The following DHX34 variants were observed in gnomAD, a reference collection of about 807,000 sequenced individuals.
The protein encoded by DHX34 is DExH-box helicase 34.
In DHX34, 96 loss-of-function variants were observed where a neutral mutation model predicts 111.1. The observed-to-expected ratio is 0.86, with a 90% confidence interval of 0.73 to 1.02. The LOEUF is 1.02. DHX34 is among the 50% of genes least tolerant of loss of function. The pLI is 0.00. For synonymous variants in DHX34, 688 were observed against 670.4 expected (o/e 1.03, Z -0.41); for missense variants, 1,560 against 1,579.9 (o/e 0.99, Z 0.21).
At chr19:47,354,151 C>G (rs568905069) in intron 2 of DHX34, among the ~76,000 whole-genome samples, 9 of 152,110 alleles carry the variant, frequency 5.9e-5, no homozygotes, top group Admixed American at 5.9e-4. Context: ...TTAGTAGAGA[C>G]GGGGTTTCAC....
intron 4 of DHX34, among the ~76,000 whole-genome samples, chr19:47,359,288 C>G (rs1164768113): frequency 6.6e-6 from 1 of 152,086 alleles, no homozygotes; most frequent in Non-Finnish European, 1.5e-5. Context: ...ACAGTGAGAC[C>G]TTGTCTCTAC....
At position 47,380,003 on chromosome 19, in the gene DHX34, G is replaced by A. The variant is rs779993924; in HGVS notation, c.2982+18G>A. ...CATCCAAGGTACCCTCCACCAGGGT[G>A]CCCGTGCCTCCCTATGGCCAGAAGG... is the stretch of plus-strand genomic sequence containing the variant. On this transcript the variant is annotated intron_variant, in intron 14 of 16. Coordinates refer to ENST00000328771, the MANE Select transcript of DHX34 (RefSeq NM_014681.6). 7.7e-6 allele frequency: 12 copies of A among 1,561,592 alleles called. No individual in the cohort carries two copies. Among genetic ancestry groups the A allele is most frequent in the Admixed American group, 1.8e-5 (1 of 57,108 alleles).
At position 47,377,152 on chromosome 19, in the gene DHX34, G is replaced by GCTGGAGACCAACA; in HGVS notation, c.2653_2665dup (p.Lys889ThrfsTer24). 5 of 1,613,954 alleles carry GCTGGAGACCAACA rather than the reference G, an allele frequency of 3.1e-6. No individual in the cohort carries two copies. The highest frequency in any genetic ancestry group is 4.2e-6 in the Non-Finnish European group (5 of 1,179,986). ...ACCAGCTCCTCAGCTTCGTGTCCCT[G>GCTGGAGACCAACA]CTGGAGACCAACAAGCCGTACCTGG... On this transcript the variant is annotated frameshift_variant, in exon 13 of 17. Transcript: ENST00000328771. LOFTEE classifies it high-confidence loss of function.
intron 6 of DHX34, among the ~76,000 whole-genome samples, chr19:47,364,607 T>C (rs1969734872): frequency 6.6e-6 from 1 of 151,948 alleles, no homozygotes; most frequent in South Asian, 2.1e-4. Context: ...CCCAGTGTGA[T>C]GGCACACACC....
intron 1 of DHX34, among the ~76,000 whole-genome samples, chr19:47,350,699 C>T (rs1042640834): frequency 1.3e-5 from 2 of 151,842 alleles, no homozygotes; most frequent in African/African-American, 2.4e-5. Flanking sequence ...GGATTATAGG[C>T]GTGAGCCACC....
At chr19:47,368,894 T>C (rs1372070182) in intron 7 of DHX34, among the ~76,000 whole-genome samples, 1 of 151,880 alleles carries the variant, frequency 6.6e-6, no homozygotes, top group African/African-American at 2.4e-5. Context: ...TTGTTTTGTT[T>C]TGTTTTGAGA....
Position 47,360,139 on chromosome 19 carries a change from G to C in DHX34, c.1375+69G>C, listed in dbSNP as rs921493861. On this transcript the variant is annotated intron_variant, in intron 5 of 16. Transcript: ENST00000328771. Reference sequence around the variant, plus strand: ...AGGAGCATGGGGTCCGGAGGTGTGCGTGTGTGGCAGGGGCGCACCAGCTTG... The same window carrying C: ...AGGAGCATGGGGTCCGGAGGTGTGCCTGTGTGGCAGGGGCGCACCAGCTTG... 2.0e-5 allele frequency: 30 copies of C among 1,470,376 alleles called. No homozygotes were observed. In the African/African-American group the frequency reaches 3.7e-4, roughly 18 times the overall value. 91.1% of individuals were successfully genotyped at this position (1,470,376 alleles called of 1,614,324 possible).
At position 47,375,495 on chromosome 19, in the gene DHX34, T is replaced by C. The variant is rs1265625982; in HGVS notation, c.2094T>C (p.Ala698=). 3 of 1,578,908 alleles carry C rather than the reference T, an allele frequency of 1.9e-6. No homozygotes were observed. The Admixed American group carries it at 5.3e-5, about 28-fold the overall frequency. ...KELLEDHGLL[A]GAQAAQVGDS... ...TGTTGGAGGACCACGGGCTGCTGGC[T>C]GGGGCCCAGGCCGCGCAGGTAGGGG... The change falls in exon 10 of 17, where the codon GCT becomes GCC. Residue 698 remains alanine, a synonymous_variant. Transcript: ENST00000328771.
intron 6 of DHX34, among the ~76,000 whole-genome samples, chr19:47,365,548 G>A (rs982703691): frequency 2.6e-5 from 4 of 152,058 alleles, no homozygotes; most frequent in Non-Finnish European, 2.9e-5. Context: ...CACCGCGCCC[G>A]GCCTATAAAG....
chr19:47,361,941 A>G (rs1042740952), intron 5 of DHX34, among the ~76,000 whole-genome samples: 1 of 152,128 alleles, frequency 6.6e-6, no homozygotes, highest in Admixed American at 6.6e-5. Flanking sequence ...TATTTATTGG[A>G]TAAGTGAACC....
At position 47,355,104 on chromosome 19, in the gene DHX34, G is replaced by C. The variant is rs753427805; in HGVS notation, c.771G>C (p.Val257=). The C allele has an allele frequency of 6.2e-6, 10 of 1,614,070 alleles. No individual in the cohort carries two copies. The highest frequency in any genetic ancestry group is 8.5e-6 in the Non-Finnish European group (10 of 1,180,014). The change falls in exon 3 of 17, where the codon GTG becomes GTC. Residue 257 remains valine, a synonymous_variant. Transcript: ENST00000328771. ...CCACCAAGATTGTATTCCTGACAGT[G>C]GGGCTGCTCCTGCGACAAATCCAGC... is the stretch of plus-strand genomic sequence containing the variant. ...SAATKIVFLT[V]GLLLRQIQRE... is the part of the protein sequence containing the mutation.
intron 9 of DHX34, 172 bp from the exon 10 acceptor site, chr19:47,375,294 C>T (rs1568404684): frequency 1.9e-5 from 19 of 985,462 alleles, no homozygotes; most frequent in East Asian, 2.3e-4. Context: ...CACTGACCAG[C>T]GAGGACAGCT....
At chr19:47,380,570 G>T in intron 14 of DHX34, 1 of 954,516 alleles carries the variant, frequency 1.0e-6, no homozygotes, top group Non-Finnish European at 1.2e-6. Flanking sequence ...GTCTGAATGG[G>T]GTCCCACCAG....
At chr19:47,372,644 G>T in intron 7 of DHX34, 86 bp from the exon 8 acceptor site, 1 of 1,286,014 alleles carries the variant, frequency 7.8e-7, no homozygotes, top group Non-Finnish European at 1.0e-6. Flanking sequence ...AGGAGGGCAG[G>T]CGGGAGGGCA....
chr19:47,369,463 G>T (rs537100355), intron 7 of DHX34, among the ~76,000 whole-genome samples: 1 of 152,296 alleles, frequency 6.6e-6, no homozygotes, highest in South Asian at 2.1e-4. Context: ...TAATTTTTGA[G>T]CACCTGCTCT....
intron 4 of DHX34, among the ~76,000 whole-genome samples, chr19:47,358,360 C>T (rs1349184492): frequency 1.3e-5 from 2 of 152,164 alleles, no homozygotes; most frequent in Admixed American, 6.5e-5. Context: ...TCAGTCCTAT[C>T]GACCATGGGC....
At chr19:47,380,737 C>T (rs1338391443) in intron 14 of DHX34, 79 bp from the exon 15 acceptor site, 22 of 1,584,468 alleles carry the variant, frequency 1.4e-5, no homozygotes, top group Non-Finnish European at 1.8e-5. Flanking sequence ...GGGAGGGCTT[C>T]AGGCACAGCT....
At chr19:47,367,181 A>C in intron 7 of DHX34, 26 bp downstream of exon 7, 1 of 1,430,134 alleles carries the variant, frequency 7.0e-7, no homozygotes, top group African/African-American at 1.5e-5. Context: ...CCTCCTGATC[A>C]CTCAGGGCCC....
At chr19:47,379,648 C>G (rs1043778906) in intron 13 of DHX34, 62 bp from the exon 14 acceptor site, 2 of 1,530,940 alleles carry the variant, frequency 1.3e-6, no homozygotes, top group Non-Finnish European at 8.8e-7. Flanking sequence ...CGGGCAGGGC[C>G]TGTCTCCAAT....
Sources: gnomAD v4.1 joint callset for allele counts (sites outside exome capture counted in the v4.1 genomes callset) on GRCh38, gnomAD v4.1.1 for gene constraint, MANE v1.5 for transcripts, NCBI Gene and HGNC (gene_info 2026-07-23, HGNC 2026-07-21) for gene names.